Variants in GALNTL6 observed in about 807,000 individuals in gnomAD.
GALNTL6 encodes polypeptide N-acetylgalactosaminyltransferase-like 6.
A neutral mutation model predicts 73.7 loss-of-function variants in GALNTL6; 46 were observed. The observed-to-expected ratio is 0.62, with a 90% confidence interval of 0.49 to 0.80. The LOEUF (loss-of-function observed/expected upper bound fraction) is 0.80. Among genes scored for constraint, GALNTL6 ranks in the 30% least tolerant of loss-of-function variants. The probability of loss-of-function intolerance (pLI) is 0.00; values close to 1 mark genes in which losing one functional copy is unlikely to be tolerated. For synonymous variants in GALNTL6, 259 were observed against 263.7 expected, an observed-to-expected ratio of 0.98 and a Z score of 0.17; for missense variants, 604 against 755.0, an observed-to-expected ratio of 0.80 and a Z score of 2.34.
intron 2 of GALNTL6, among the ~76,000 whole-genome samples, chr4:171,908,802 T>A (rs1737381550): frequency 6.6e-6 from 1 of 151,168 alleles, no homozygotes. Flanking sequence ...CACCATGGAA[T>A]ACTATGCAGC....
At chr4:172,826,984 G>T (rs1457122805) in intron 7 of GALNTL6, among the ~76,000 whole-genome samples, 1 of 152,192 alleles carries the variant, frequency 6.6e-6, no homozygotes, top group Non-Finnish European at 1.5e-5. Context: ...GTGGGGGGCA[G>T]GTGTCATCTG....
intron 7 of GALNTL6, among the ~76,000 whole-genome samples, chr4:172,818,581 G>A (rs572697613): frequency 5.3e-5 from 8 of 152,190 alleles, no homozygotes; most frequent in South Asian, 2.1e-4. Context: ...ATACAGCAGC[G>A]GGGAAATTCA....
chr4:172,281,513 G>C (rs1014956051), intron 3 of GALNTL6, among the ~76,000 whole-genome samples: 1 of 151,914 alleles, frequency 6.6e-6, no homozygotes, highest in African/African-American at 2.4e-5. Context: ...TGGCAAACAT[G>C]GTGAAACCCT....
chr4:172,228,221 T>G (rs933015532), intron 2 of GALNTL6, among the ~76,000 whole-genome samples: 1 of 152,114 alleles, frequency 6.6e-6, no homozygotes, highest in Non-Finnish European at 1.5e-5. Flanking sequence ...ACCATGTCAT[T>G]TTCTATTTAC....
chr4:172,749,601 A>G lies in GALNTL6; in HGVS notation c.554-59760A>G, dbSNP rs562997250. Among the ~76,000 whole-genome samples, 34 of 152,208 alleles carry G rather than the reference A, an allele frequency of 2.2e-4. 1 individual carries two copies. In the South Asian group the frequency reaches 5.6e-3, roughly 25 times the overall value. The stretch of plus-strand genomic sequence containing the variant: ...CTGGGAGGTTAATCCCATGTCCCTA[A>G]GCCCCCCAAATCCCTCTTTTTAAAC... On this transcript the variant is annotated intron_variant, in intron 5 of 12. Transcript: ENST00000506823.
At chr4:172,398,749 A>C (rs1270389445) in intron 5 of GALNTL6, among the ~76,000 whole-genome samples, 1 of 152,210 alleles carries the variant, frequency 6.6e-6, no homozygotes, top group Non-Finnish European at 1.5e-5. Flanking sequence ...ATTTTGTAGA[A>C]GTATATTCAG....
At chr4:172,559,168 C>T (rs548818768) in intron 5 of GALNTL6, among the ~76,000 whole-genome samples, 8 of 143,622 alleles carry the variant, frequency 5.6e-5, no homozygotes, top group Non-Finnish European at 1.1e-4. Context: ...AGGTTCATGC[C>T]GTTCTCCTGC....
intron 2 of GALNTL6, among the ~76,000 whole-genome samples, chr4:171,901,200 C>T (rs1737082700): frequency 6.6e-6 from 1 of 152,168 alleles, no homozygotes; most frequent in African/African-American, 2.4e-5. Context: ...CCTCTACCTC[C>T]AGACTATATT....
chr4:172,552,870 A>T lies in GALNTL6; in HGVS notation c.553+204181A>T, dbSNP rs531885870. Among the ~76,000 whole-genome samples, 6 of 149,836 alleles carry T rather than the reference A, an allele frequency of 4.0e-5. No homozygotes were observed. In the South Asian group the frequency reaches 1.3e-3, roughly 32 times the overall value. On this transcript the variant is annotated intron_variant, in intron 5 of 12. Transcript: ENST00000506823. ...AAAAAAAAAAAAAGGTAAAAACCGC[A>T]ATTACTTTTGCACCAACCTAATAAC...
intron 2 of GALNTL6, among the ~76,000 whole-genome samples, chr4:171,896,632 G>C (rs1197628249): frequency 6.6e-6 from 1 of 152,150 alleles, no homozygotes; most frequent in African/African-American, 2.4e-5. Flanking sequence ...AAGGATAAGA[G>C]GTCTTTCTGT....
At chr4:172,547,285 T>C (rs1288259392) in intron 5 of GALNTL6, among the ~76,000 whole-genome samples, 4 of 152,028 alleles carry the variant, frequency 2.6e-5, no homozygotes, top group African/African-American at 9.7e-5. Context: ...ATACCAATAT[T>C]GATAGAATTG....
At chr4:172,623,287 T>C (rs1490142750) in intron 5 of GALNTL6, among the ~76,000 whole-genome samples, 1 of 152,158 alleles carries the variant, frequency 6.6e-6, no homozygotes, top group Non-Finnish European at 1.5e-5. Flanking sequence ...TGCTCTGAAC[T>C]GATGTATTTC....
chr4:171,824,874 G>A (rs552211569), intron 2 of GALNTL6, among the ~76,000 whole-genome samples: 2 of 151,900 alleles, frequency 1.3e-5, no homozygotes, highest in East Asian at 1.9e-4. Context: ...AAAATAATAC[G>A]GCACTTGTTT....
At chr4:172,439,854 TC>T (rs1270590979) in intron 5 of GALNTL6, among the ~76,000 whole-genome samples, 1 of 152,042 alleles carries the variant, frequency 6.6e-6, no homozygotes, top group Non-Finnish European at 1.5e-5. Flanking sequence ...CCAGTTGGTT[TC>T]CCCCATTATC....
At chr4:172,133,087 C>A (rs564660187) in intron 2 of GALNTL6, among the ~76,000 whole-genome samples, 7 of 152,292 alleles carry the variant, frequency 4.6e-5, no homozygotes, top group African/African-American at 1.7e-4. Context: ...ATGAACCAAG[C>A]AAACAAATAG....
chr4:172,374,712 T>C (rs1373856213), intron 5 of GALNTL6, among the ~76,000 whole-genome samples: 1 of 152,206 alleles, frequency 6.6e-6, no homozygotes, highest in Non-Finnish European at 1.5e-5. Flanking sequence ...AATTTATTCT[T>C]TTCTTCAGCT....
At chr4:172,591,761 A>C (rs1300769391) in intron 5 of GALNTL6, among the ~76,000 whole-genome samples, 1 of 152,188 alleles carries the variant, frequency 6.6e-6, no homozygotes, top group Non-Finnish European at 1.5e-5. Context: ...AATCTTTGCC[A>C]CAGAAATTAA....
At chr4:172,818,225 A>G (rs952409773) in intron 7 of GALNTL6, among the ~76,000 whole-genome samples, 1 of 152,246 alleles carries the variant, frequency 6.6e-6, no homozygotes, top group Non-Finnish European at 1.5e-5. Flanking sequence ...TGACTCTGTC[A>G]ACTATAAAAA....
At chr4:172,457,697 A>C (rs529853145) in intron 5 of GALNTL6, among the ~76,000 whole-genome samples, 81 of 152,356 alleles carry the variant, frequency 5.3e-4, no homozygotes, top group African/African-American at 1.9e-3. Context: ...AGGAGCACCC[A>C]GATTCATAAA....
Sources: gnomAD v4.1 joint callset for allele counts (sites outside exome capture counted in the v4.1 genomes callset) on GRCh38, gnomAD v4.1.1 for gene constraint, MANE v1.5 for transcripts, NCBI Gene and HGNC (gene_info 2026-07-23, HGNC 2026-07-21) for gene names.